XYLB: variants seen among roughly 807,000 people sequenced by gnomAD.
The protein encoded by XYLB is xylulose kinase.
A neutral mutation model predicts 78.7 loss-of-function variants in XYLB; 62 were observed. That is an observed-to-expected ratio of 0.79 (90% confidence interval 0.64 to 0.97). The LOEUF is 0.97. Ranked by LOEUF, XYLB falls within the 50% of genes least tolerant of loss-of-function variation. The pLI, the probability that XYLB is intolerant of heterozygous loss-of-function variation, is 0.00. For missense variants in XYLB, 687 were observed against 676.8 expected, an observed-to-expected ratio of 1.02 and a Z score of -0.17; for synonymous variants, 245 against 247.4, an observed-to-expected ratio of 0.99 and a Z score of 0.09.
chr3:38,415,269 A>G (rs1708749603), downstream of XYLB, among the ~76,000 whole-genome samples: 1 of 152,210 alleles, frequency 6.6e-6, no homozygotes, highest in African/African-American at 2.4e-5. Context: ...TATCAAGGAT[A>G]TAGGAAGAAG....
downstream of XYLB, among the ~76,000 whole-genome samples, chr3:38,425,195 A>G (rs1374594661): frequency 1.3e-5 from 2 of 152,244 alleles, no homozygotes; most frequent in African/African-American, 2.4e-5. Context: ...TTTGGGCTAC[A>G]TGCTAAACAG....
At chr3:38,449,352 A>G in the XYLB span, among the ~76,000 whole-genome samples, 1 of 151,754 alleles carries the variant, frequency 6.6e-6, no homozygotes, top group Admixed American at 6.6e-5. Flanking sequence ...CGATCTCTTG[A>G]CCTCGTGATC....
At position 38,379,300 on chromosome 3, in the gene XYLB, A is replaced by G; in HGVS notation, c.1249A>G (p.Met417Val). Residue 417 changes from methionine (M) to valine (V), a missense_variant, in exon 15 of 19, where the codon ATG becomes GTG. Met to Val is a conservative substitution (Grantham distance 21). Transcript: ENST00000207870. ...EVRALIEGQF[M>V]AKRIHAEGLG... is the part of the protein sequence containing the mutation. ...TCGAGCACTAATTGAAGGACAATTCATGGCCAAGAGGATTCACGCAGAAGG... is the reference window on the plus strand; with the variant it reads ...TCGAGCACTAATTGAAGGACAATTCGTGGCCAAGAGGATTCACGCAGAAGG... 1 of 1,614,082 alleles carries G rather than the reference A, an allele frequency of 6.2e-7. No individual in the cohort carries two copies. The highest frequency in any genetic ancestry group is 8.5e-7 in the Non-Finnish European group (1 of 1,180,028).
chr3:38,416,895 C>T (rs955913424), downstream of XYLB, among the ~76,000 whole-genome samples: 3 of 152,162 alleles, frequency 2.0e-5, no homozygotes, highest in African/African-American at 7.2e-5. Flanking sequence ...CTCTCTCCCT[C>T]CTTTTTCATT....
At chr3:38,353,885 T>TTAA (rs376209351) in intron 2 of XYLB, among the ~76,000 whole-genome samples, 8 of 121,988 alleles carry the variant, frequency 6.6e-5, no homozygotes, top group Non-Finnish European at 9.9e-5. Flanking sequence ...AGACTCCATA[T>TTAA]AAAAAAAAAA....
At chr3:38,357,803 G>A (rs1705742698) in intron 2 of XYLB, among the ~76,000 whole-genome samples, 1 of 151,834 alleles carries the variant, frequency 6.6e-6, no homozygotes, top group South Asian at 2.1e-4. Flanking sequence ...ATGATGTTGA[G>A]TATCTTTGCC....
the XYLB span, among the ~76,000 whole-genome samples, chr3:38,428,130 A>G: frequency 4.2e-4 from 64 of 152,298 alleles, no homozygotes; most frequent in African/African-American, 1.5e-3. Context: ...TTTCCAGATA[A>G]CTTTTTGCTA....
chr3:38,451,620 T>TCAAAAACAAAAA, the XYLB span: 8 of 152,346 alleles, frequency 5.3e-5, no homozygotes, highest in South Asian at 2.1e-4. Flanking sequence ...AAACTCTGTC[T>TCAAAAACAAAAA]CAAAAACAAA....
chr3:38,396,988 G>C, intron 16 of XYLB, 84 bp from the exon 17 acceptor site: 1 of 1,370,522 alleles, frequency 7.3e-7, no homozygotes, highest in Non-Finnish European at 1.0e-6. Flanking sequence ...ATATGAGGGA[G>C]AGAGCCTGGA....
intron 8 of XYLB, 106 bp downstream of exon 8, chr3:38,368,363 C>A: frequency 3.1e-6 from 3 of 974,192 alleles, no homozygotes; most frequent in South Asian, 1.3e-5. Context: ...AATCTTGTAG[C>A]CCTGTCATCT....
chr3:38,346,991 C>G, intron 1 of XYLB, 66 bp downstream of exon 1: 1 of 1,336,978 alleles, frequency 7.5e-7, no homozygotes, highest in Non-Finnish European at 9.7e-7. Flanking sequence ...AGGGGGCGGG[C>G]TGTCACCCGG....
At chr3:38,451,656 G>A in the XYLB span, 1 of 150,984 alleles carries the variant, frequency 6.6e-6, no homozygotes, top group Non-Finnish European at 1.5e-5. Flanking sequence ...AAAAACAACT[G>A]TCTATGGGAC....
At position 38,355,910 on chromosome 3, in the gene XYLB, G is replaced by A. The variant is rs558544225; in HGVS notation, c.141-4429G>A. The A allele has an allele frequency of 1.4e-5, 9 of 636,938 alleles. No homozygotes were observed. In the South Asian group the frequency reaches 1.6e-4, roughly 11 times the overall value. The allele number at this position is 636,938 out of a possible 1,614,324, so 39.5% of individuals were successfully genotyped here. On this transcript the variant is annotated intron_variant, in intron 2 of 18. Transcript: ENST00000207870. ...CAGCTGTATCAAGCCATAGAAATGT[G>A]TTTTTCCTTAACTAATATAATTTTT...
chr3:38,442,067 G>T, the XYLB span, among the ~76,000 whole-genome samples: 2 of 152,104 alleles, frequency 1.3e-5, no homozygotes, highest in African/African-American at 4.8e-5. Context: ...TCTATCTGGG[G>T]ATCCATAGTC....
the XYLB span, among the ~76,000 whole-genome samples, chr3:38,447,786 G>A: frequency 1.3e-5 from 2 of 152,062 alleles, no homozygotes; most frequent in Admixed American, 6.5e-5. Flanking sequence ...TATATTAAAG[G>A]AATACCTCCA....
At position 38,400,133 on chromosome 3, in the gene XYLB, G is replaced by A. The variant is rs1020680433; in HGVS notation, c.1439-758G>A. Among the ~76,000 whole-genome samples the A allele has an allele frequency of 2.0e-5, 3 of 152,160 alleles. No individual in the cohort carries two copies. In the South Asian group the frequency reaches 6.2e-4, roughly 32 times the overall value. On this transcript the variant is annotated intron_variant, in intron 17 of 18. Coordinates refer to ENST00000207870, the MANE Select transcript of XYLB (RefSeq NM_005108.4). ...CCCTAGAAATTGCTCATTGTTTCTT[G>A]CCCACCAATGGCAACCTTCCCCCTG...
intron 15 of XYLB, among the ~76,000 whole-genome samples, chr3:38,386,985 A>C (rs1235641305): frequency 6.6e-6 from 1 of 152,242 alleles, no homozygotes; most frequent in African/African-American, 2.4e-5. Context: ...TTCAGATAAG[A>C]AATTAACTGT....
chr3:38,348,452 C>T, intron 1 of XYLB, 98 bp from the exon 2 acceptor site: 1 of 1,161,192 alleles, frequency 8.6e-7, no homozygotes, highest in African/African-American at 1.5e-5. Context: ...TTGAACTGCT[C>T]CTAGGGTGTG....
intron 8 of XYLB, among the ~76,000 whole-genome samples, chr3:38,368,722 T>A (rs1037876096): frequency 6.6e-6 from 1 of 152,126 alleles, no homozygotes; most frequent in Non-Finnish European, 1.5e-5. Flanking sequence ...GAGTCTTTTA[T>A]ACCCTAATCT....
Sources: gnomAD v4.1 joint callset for allele counts (sites outside exome capture counted in the v4.1 genomes callset) on GRCh38, gnomAD v4.1.1 for gene constraint, MANE v1.5 for transcripts, NCBI Gene and HGNC (gene_info 2026-07-23, HGNC 2026-07-21) for gene names.